ST6GALNAC5: variants seen among roughly 807,000 people sequenced by gnomAD.
ST6GALNAC5 encodes ST6 N-acetylgalactosaminide alpha-2,6-sialyltransferase 5.
In ST6GALNAC5, 27 loss-of-function variants were observed where a neutral mutation model predicts 33.6. The observed-to-expected ratio is 0.80, with a 90% CI of 0.59 to 1.11. ST6GALNAC5 has a LOEUF of 1.11. ST6GALNAC5 is among the 50% of genes least tolerant of loss of function. The pLI, the probability that ST6GALNAC5 is intolerant of heterozygous loss-of-function variation, is 0.00. For missense variants in ST6GALNAC5, 428 were observed against 454.0 expected (o/e 0.94, Z 0.52); for synonymous variants, 194 against 171.2 (o/e 1.13, Z -1.04).
At chr1:76,904,728 G>A (rs940851729) in intron 2 of ST6GALNAC5, among the ~76,000 whole-genome samples, 2 of 152,144 alleles carry the variant, frequency 1.3e-5, no homozygotes, top group African/African-American at 4.8e-5. Context: ...GGGAGGCTGA[G>A]GCAGGGGAAT....
At chr1:76,950,606 T>C (rs913936013) in intron 2 of ST6GALNAC5, among the ~76,000 whole-genome samples, 7 of 152,018 alleles carry the variant, frequency 4.6e-5, no homozygotes, top group African/African-American at 1.7e-4. Flanking sequence ...AACAGTTATA[T>C]AAGGGAGAGA....
chr1:77,050,228 G>A, intron 3 of ST6GALNAC5, 30 bp from the exon 4 acceptor site: 1 of 1,595,292 alleles, frequency 6.3e-7, no homozygotes. Context: ...TACTTTACCA[G>A]CTTGCAGACT....
At chr1:76,894,012 G>T (rs896738316) in intron 2 of ST6GALNAC5, among the ~76,000 whole-genome samples, 1 of 152,112 alleles carries the variant, frequency 6.6e-6, no homozygotes, top group Non-Finnish European at 1.5e-5. Flanking sequence ...ATGTGGCCAT[G>T]GCACACAAAT....
chr1:77,023,770 G>T (rs879670000), intron 2 of ST6GALNAC5, among the ~76,000 whole-genome samples: 8 of 152,052 alleles, frequency 5.3e-5, no homozygotes, highest in Non-Finnish European at 8.8e-5. Context: ...GAGCACAGGG[G>T]CCTGGTAGAA....
chr1:76,992,436 T>A (rs955682676), intron 2 of ST6GALNAC5, among the ~76,000 whole-genome samples: 1 of 152,140 alleles, frequency 6.6e-6, no homozygotes, highest in African/African-American at 2.4e-5. Flanking sequence ...CCCTCTCTAA[T>A]CCTTTCTCTT....
intron 2 of ST6GALNAC5, among the ~76,000 whole-genome samples, chr1:76,969,413 C>T (rs1370951840): frequency 6.6e-6 from 1 of 152,204 alleles, no homozygotes; most frequent in African/African-American, 2.4e-5. Flanking sequence ...TCCCATGGAG[C>T]CTTGCTCACT....
intron 2 of ST6GALNAC5, among the ~76,000 whole-genome samples, chr1:76,886,502 T>C (rs1275257510): frequency 6.6e-6 from 1 of 152,128 alleles, no homozygotes; most frequent in Non-Finnish European, 1.5e-5. Flanking sequence ...ATATATATTA[T>C]ATGTCTTGGT....
chr1:77,037,436 T>C (rs188104449), intron 2 of ST6GALNAC5, among the ~76,000 whole-genome samples: 60 of 152,218 alleles, frequency 3.9e-4, no homozygotes, highest in African/African-American at 1.4e-3. Context: ...TTGAAAAAAC[T>C]ATTGAGTACT....
intron 2 of ST6GALNAC5, among the ~76,000 whole-genome samples, chr1:77,024,121 A>T (rs1032503743): frequency 6.6e-6 from 1 of 152,150 alleles, no homozygotes; most frequent in African/African-American, 2.4e-5. Flanking sequence ...AGAAGCCAGG[A>T]CCACAGCTTT....
At chr1:76,995,090 A>G (rs1411313257) in intron 2 of ST6GALNAC5, among the ~76,000 whole-genome samples, 1 of 152,182 alleles carries the variant, frequency 6.6e-6, no homozygotes, top group Non-Finnish European at 1.5e-5. Context: ...ATTTAGGTTT[A>G]CATTATATAA....
At chr1:76,909,334 C>A (rs772145205) in intron 2 of ST6GALNAC5, among the ~76,000 whole-genome samples, 1 of 152,036 alleles carries the variant, frequency 6.6e-6, no homozygotes, top group African/African-American at 2.4e-5. Flanking sequence ...ACTTACACTC[C>A]CAAAGCCTCA....
intron 2 of ST6GALNAC5, among the ~76,000 whole-genome samples, chr1:76,874,825 A>T (rs929103147): frequency 6.6e-6 from 1 of 152,152 alleles, no homozygotes; most frequent in African/African-American, 2.4e-5. Context: ...TAACCATCGC[A>T]AGTCCACCCC....
At chr1:77,031,471 T>G (rs1011568954) in intron 2 of ST6GALNAC5, among the ~76,000 whole-genome samples, 1 of 152,214 alleles carries the variant, frequency 6.6e-6, no homozygotes, top group African/African-American at 2.4e-5. Context: ...TTTGCTACTT[T>G]GCAGTCGTCA....
intron 2 of ST6GALNAC5, among the ~76,000 whole-genome samples, chr1:77,021,682 T>C (rs1242347618): frequency 6.6e-6 from 1 of 152,178 alleles, no homozygotes; most frequent in Non-Finnish European, 1.5e-5. Context: ...TATTCCTTTC[T>C]CCTCTCTGAT....
chr1:77,001,974 G>A (rs1215062800), intron 2 of ST6GALNAC5, among the ~76,000 whole-genome samples: 11 of 152,046 alleles, frequency 7.2e-5, no homozygotes, highest in East Asian at 5.8e-4. Context: ...GTCTCTGCCC[G>A]GCTTTGCTAT....
intron 2 of ST6GALNAC5, among the ~76,000 whole-genome samples, chr1:76,921,901 A>G (rs999738459): frequency 1.3e-5 from 2 of 152,194 alleles, no homozygotes; most frequent in Admixed American, 1.3e-4. Flanking sequence ...TACAGCATAT[A>G]TCATACCTAA....
intron 2 of ST6GALNAC5, among the ~76,000 whole-genome samples, chr1:77,036,454 C>G (rs1367425530): frequency 1.3e-5 from 2 of 152,100 alleles, no homozygotes; most frequent in Non-Finnish European, 2.9e-5. Context: ...AATAATTTTA[C>G]AAATAGAATG....
intron 2 of ST6GALNAC5, among the ~76,000 whole-genome samples, chr1:76,987,260 C>G (rs7550175): frequency 0.15 from 22,984 of 151,966 alleles, 1,818 homozygotes; most frequent in South Asian, 0.29. Flanking sequence ...ACAAATAACT[C>G]AATTTTAAAA....
intron 2 of ST6GALNAC5, among the ~76,000 whole-genome samples, chr1:76,893,895 G>A (rs781709640): frequency 6.6e-6 from 1 of 152,084 alleles, no homozygotes; most frequent in African/African-American, 2.4e-5. Context: ...TCCTGACCTC[G>A]TGATCCACCC....
Sources: gnomAD v4.1 joint callset for allele counts (sites outside exome capture counted in the v4.1 genomes callset) on GRCh38, gnomAD v4.1.1 for gene constraint, MANE v1.5 for transcripts, NCBI Gene and HGNC (gene_info 2026-07-23, HGNC 2026-07-21) for gene names.